The following SAAL1 variants were observed in gnomAD, a reference collection of about 807,000 sequenced individuals.
The protein encoded by SAAL1 is protein SAAL1.
SAAL1 carries 42 observed loss-of-function variants against 59.8 expected under a neutral mutation model. That is an observed-to-expected ratio of 0.70 (90% CI 0.55 to 0.91). The LOEUF is 0.91. Among genes scored for constraint, SAAL1 ranks in the 40% least tolerant of loss-of-function variants. SAAL1 has a pLI of 0.00. For synonymous variants in SAAL1, 191 were observed against 194.3 expected (o/e 0.98, Z 0.14); for missense variants, 542 against 561.1 (o/e 0.97, Z 0.34).
rs527764293 is a variant in SAAL1 at position 18,105,803 on chromosome 11, C to T, written c.135+104G>A. Reference sequence around the variant, plus strand: ...CCGCAGCGCACGCCTGGGGAGGGGTCTTTGTGGGGATGGCGGCTCCCGGGG... The same window carrying T: ...CCGCAGCGCACGCCTGGGGAGGGGTTTTTGTGGGGATGGCGGCTCCCGGGG... On this transcript the variant is annotated intron_variant, in intron 1 of 11. Transcript: ENST00000524803. The T allele has an allele frequency of 1.4e-5, 19 of 1,394,294 alleles. No individual in the cohort carries two copies. In the South Asian group the frequency reaches 2.2e-4, roughly 16 times the overall value. The allele number at this position is 1,394,294 out of a possible 1,614,324, so 86.4% of individuals were successfully genotyped here. A position where few individuals can be genotyped will look rare whatever the true frequency, so the allele number is the denominator to read the frequency against.
intron 9 of SAAL1, among the ~76,000 whole-genome samples, chr11:18,084,530 A>G (rs1848442617): frequency 6.6e-6 from 1 of 152,166 alleles, no homozygotes; most frequent in Non-Finnish European, 1.5e-5. Flanking sequence ...GACACCAGGC[A>G]TACTTCTGGT....
At chr11:18,087,111 T>G in intron 8 of SAAL1, 32 bp downstream of exon 8, 1 of 1,594,884 alleles carries the variant, frequency 6.3e-7, no homozygotes. Context: ...ATTAAATGAG[T>G]AACTGTAGTG....
chr11:18,105,114 G>A (rs1848674033), intron 1 of SAAL1, among the ~76,000 whole-genome samples: 1 of 151,912 alleles, frequency 6.6e-6, no homozygotes, highest in Admixed American at 6.6e-5. Flanking sequence ...TAGAAATTAA[G>A]GGACAAATAG....
intron 9 of SAAL1, among the ~76,000 whole-genome samples, chr11:18,084,149 C>A (rs1009347250): frequency 6.6e-6 from 1 of 152,128 alleles, no homozygotes; most frequent in Non-Finnish European, 1.5e-5. Flanking sequence ...CCAGCCTGAG[C>A]AATATGGTGA....
intron 2 of SAAL1, among the ~76,000 whole-genome samples, chr11:18,099,901 C>G (rs988894445): frequency 6.6e-6 from 1 of 152,206 alleles, no homozygotes; most frequent in Non-Finnish European, 1.5e-5. Context: ...GAGATATAAA[C>G]TCACCAGACT....
intron 2 of SAAL1, among the ~76,000 whole-genome samples, chr11:18,098,972 T>C (rs1249311516): frequency 6.6e-6 from 1 of 152,204 alleles, no homozygotes; most frequent in Admixed American, 6.5e-5. Context: ...TATCAACTAG[T>C]TATCATTGTT....
intron 2 of SAAL1, among the ~76,000 whole-genome samples, chr11:18,101,124 T>A (rs1848629330): frequency 6.6e-6 from 1 of 152,230 alleles, no homozygotes; most frequent in Non-Finnish European, 1.5e-5. Flanking sequence ...ATACTAAGTG[T>A]TGGTGAGGTT....
intron 10 of SAAL1, among the ~76,000 whole-genome samples, chr11:18,082,341 T>C (rs963403246): frequency 5.3e-5 from 8 of 152,182 alleles, no homozygotes; most frequent in Non-Finnish European, 7.3e-5. Context: ...TCTCATTAAT[T>C]TAAAAATGCA....
At chr11:18,096,387 C>T (rs981998971) in intron 3 of SAAL1, among the ~76,000 whole-genome samples, 2 of 151,832 alleles carry the variant, frequency 1.3e-5, no homozygotes, top group South Asian at 4.2e-4. Flanking sequence ...CAAGACCAGC[C>T]TGGGCAACAT....
At position 18,103,299 on chromosome 11, in the gene SAAL1, C is replaced by A. The variant is rs780357718; in HGVS notation, c.183G>T (p.Gln61His). ...CCATTTCTTCATCAAGCTCCGTCAG[C>A]TGCTCCTCATCATCTGAGCTAGATT... ...NTKSSSDDEEQLTELDEEMEN... is the reference protein window; with the variant it reads ...NTKSSSDDEEHLTELDEEMEN... Residue 61 changes from glutamine to histidine, a missense_variant, in exon 2 of 12, where the codon CAG becomes CAT. Transcript: ENST00000524803. The A allele has an allele frequency of 6.2e-7, 1 of 1,614,006 alleles. No homozygotes were observed. The highest frequency in any genetic ancestry group is 2.2e-5 in the East Asian group (1 of 44,894).
chr11:18,082,836 T>G (rs1216877011), intron 10 of SAAL1, among the ~76,000 whole-genome samples: 1 of 152,138 alleles, frequency 6.6e-6, no homozygotes, highest in Non-Finnish European at 1.5e-5. Flanking sequence ...TTTGCCATGT[T>G]GCCCAAACTG....
At chr11:18,099,441 A>G (rs1475709714) in intron 2 of SAAL1, among the ~76,000 whole-genome samples, 2 of 152,238 alleles carry the variant, frequency 1.3e-5, no homozygotes, top group Non-Finnish European at 2.9e-5. Flanking sequence ...TTTTCATTCT[A>G]AAGAAATGAA....
At chr11:18,102,974 G>C (rs1267880785) in intron 2 of SAAL1, among the ~76,000 whole-genome samples, 1 of 152,148 alleles carries the variant, frequency 6.6e-6, no homozygotes, top group East Asian at 1.9e-4. Context: ...GAACTTTCCC[G>C]GCCTACATGT....
Position 18,090,207 on chromosome 11 carries a change from C to T in SAAL1, c.557G>A (p.Ser186Asn). ...RIQEHPAIYD[S>N]ICFIMSSSTN... ...TGAACTTGACATAATGAAGCAAATG[C>T]TATCATAAATAGCTGGATGTTCCTG... The change falls in exon 6 of 12, where the codon AGC becomes AAC. Residue 186 changes from serine to asparagine, a missense_variant. By Grantham distance (46) the Ser-to-Asn change is conservative (BLOSUM62 1). Coordinates refer to ENST00000524803, the MANE Select transcript of SAAL1 (RefSeq NM_138421.3). The T allele has an allele frequency of 1.2e-6, 2 of 1,602,028 alleles. No homozygotes were observed. The highest frequency in any genetic ancestry group is 1.7e-6 in the Non-Finnish European group (2 of 1,176,594).
At chr11:18,082,677 G>A (rs1264844850) in intron 10 of SAAL1, among the ~76,000 whole-genome samples, 1 of 152,256 alleles carries the variant, frequency 6.6e-6, no homozygotes, top group East Asian at 1.9e-4. Context: ...TGTCGCTCAG[G>A]TTGGAGTGTA....
chr11:18,101,022 C>T (rs1037535232), intron 2 of SAAL1, among the ~76,000 whole-genome samples: 1 of 152,132 alleles, frequency 6.6e-6, no homozygotes, highest in African/African-American at 2.4e-5. Context: ...TGAAAAGATG[C>T]TCATCATTAG....
chr11:18,103,303 T>TCCTC lies in SAAL1; in HGVS notation c.175_178dup (p.Glu60GlyfsTer8), dbSNP rs766213349. 1 of 1,613,944 alleles carries TCCTC rather than the reference T, an allele frequency of 6.2e-7. No individual in the cohort carries two copies. Among genetic ancestry groups the TCCTC allele is most frequent in the Non-Finnish European group, 8.5e-7 (1 of 1,179,964 alleles). On this transcript the variant is annotated frameshift_variant, in exon 2 of 12. Coordinates refer to ENST00000524803, the MANE Select transcript of SAAL1 (RefSeq NM_138421.3). LOFTEE classifies it high-confidence loss of function. ...TTCTTCATCAAGCTCCGTCAGCTGC[T>TCCTC]CCTCATCATCTGAGCTAGATTTGGT... is the stretch of plus-strand genomic sequence containing the variant.
Position 18,092,293 on chromosome 11 carries a change from GC to G in SAAL1, c.364del (p.Ala122ProfsTer80). On this transcript the variant is annotated frameshift_variant, in exon 4 of 12. Coordinates refer to ENST00000524803, the MANE Select transcript of SAAL1 (RefSeq NM_138421.3). LOFTEE classifies it high-confidence loss of function. ...GGACACACATATCTCCTGGAAACAGGCCATATTACCTAAAATTCCCACACAG... is the reference window on the plus strand; with the variant it reads ...GGACACACATATCTCCTGGAAACAGGCATATTACCTAAAATTCCCACACAG... ...EICVGILGNM[A>X]CFQEICVSIS... 1 of 1,607,178 alleles carries G rather than the reference GC, an allele frequency of 6.2e-7. No individual in the cohort carries two copies. Among genetic ancestry groups the G allele is most frequent in the Non-Finnish European group, 8.5e-7 (1 of 1,173,838 alleles).
chr11:18,100,989 TAC>T (rs1848628190), intron 2 of SAAL1, among the ~76,000 whole-genome samples: 2 of 152,136 alleles, frequency 1.3e-5, no homozygotes, highest in South Asian at 4.1e-4. Context: ...CCAAAAAAGA[TAC>T]ACAGAGTACA....
Sources: allele counts gnomAD v4.1 joint callset (sites outside exome capture counted in the v4.1 genomes callset), GRCh38; gene constraint gnomAD v4.1.1; transcripts MANE v1.5; gene names NCBI Gene and HGNC (gene_info 2026-07-23, HGNC 2026-07-21).